Variants in HECTD4 observed in about 807,000 individuals in gnomAD.
HECTD4 encodes the protein probable E3 ubiquitin-protein ligase HECTD4.
HECTD4 carries 114 observed loss-of-function variants against 471.5 expected under a neutral mutation model. The observed-to-expected ratio is 0.24, with a 90% CI of 0.21 to 0.28. HECTD4 has a LOEUF of 0.28. HECTD4 is among the 10% of genes least tolerant of loss of function. The pLI is 1.00. For synonymous variants in HECTD4, 2,012 were observed against 2,256.0 expected, an observed-to-expected ratio of 0.89 and a Z score of 3.07; for missense variants, 3,866 against 5,651.5, an observed-to-expected ratio of 0.68 and a Z score of 10.13.
intron 1 of HECTD4, among the ~76,000 whole-genome samples, chr12:112,324,067 T>C (rs1200135974): frequency 3.5e-5 from 3 of 85,208 alleles, no homozygotes; most frequent in African/African-American, 1.4e-4. Context: ...TCTTTCTTTC[T>C]TTCTTTCTTT....
At position 112,382,412 on chromosome 12, in the gene HECTD4, GC is replaced by G; in HGVS notation, c.-285del. 1 of 292,134 alleles carries G rather than the reference GC, an allele frequency of 3.4e-6. No individual in the cohort carries two copies. Among genetic ancestry groups the G allele is most frequent in the South Asian group, 7.5e-5 (1 of 13,398 alleles). The allele number at this position is 292,134 out of a possible 1,614,324, so 18.1% of individuals were successfully genotyped here. A position where few individuals can be genotyped will look rare whatever the true frequency, so the allele number is the denominator to read the frequency against. On this transcript the variant is annotated 5_prime_UTR_variant, in exon 1 of 76. It removes the in-frame stop codon of an upstream open reading frame in the 5' UTR. Coordinates refer to ENST00000682272, the MANE Select transcript of HECTD4 (RefSeq NM_001388303.1). ...CTCGGCAACCAACTGTCAGTGAGAC[GC>G]CATGTTGGGGGCGGGGCTCCCGGCA...
intron 9 of HECTD4, among the ~76,000 whole-genome samples, chr12:112,276,897 T>A (rs1023480461): frequency 2.6e-5 from 4 of 152,212 alleles, no homozygotes; most frequent in African/African-American, 7.2e-5. Context: ...CAACTTCATA[T>A]CCACAAAGAT....
chr12:112,274,471 C>T (rs2034484406), intron 10 of HECTD4, among the ~76,000 whole-genome samples: 1 of 152,150 alleles, frequency 6.6e-6, no homozygotes, highest in Admixed American at 6.5e-5. Flanking sequence ...TTTGGGAGGC[C>T]AAGGCAGGAA....
intron 23 of HECTD4, 125 bp from the exon 24 acceptor site, chr12:112,251,259 C>T: frequency 1.2e-6 from 1 of 841,288 alleles, no homozygotes; most frequent in Non-Finnish European, 1.8e-6. Flanking sequence ...AGTATCACTG[C>T]TAGGGGACAC....
chr12:112,172,052 C>T (rs144701184), intron 67 of HECTD4, among the ~76,000 whole-genome samples: 2,333 of 152,188 alleles, frequency 0.015, 68 homozygotes, highest in African/African-American at 0.053. Context: ...TACAGGCATG[C>T]GCCACCACGC....
intron 8 of HECTD4, among the ~76,000 whole-genome samples, chr12:112,282,402 A>G (rs919281139): frequency 9.9e-5 from 15 of 152,048 alleles, no homozygotes; most frequent in African/African-American, 3.6e-4. Flanking sequence ...AAACAAAAAC[A>G]AAAAACAACA....
intron 44 of HECTD4, among the ~76,000 whole-genome samples, chr12:112,221,894 A>G (rs2033106777): frequency 1.3e-5 from 2 of 149,724 alleles, no homozygotes; most frequent in South Asian, 4.2e-4. Flanking sequence ...AGCTGGGATT[A>G]CAGGCACTCG....
intron 7 of HECTD4, among the ~76,000 whole-genome samples, chr12:112,297,649 G>A (rs2035070912): frequency 6.6e-6 from 1 of 152,014 alleles, no homozygotes; most frequent in East Asian, 1.9e-4. Context: ...ATTTTGGAAG[G>A]AGCAAATCTG....
In HECTD4 at chr12:112,314,019, A is replaced by G. The variant is rs554920978; in HGVS notation, c.785+438T>C. Among the ~76,000 whole-genome samples, 3 of 152,134 alleles carry G rather than the reference A, an allele frequency of 2.0e-5. No individual in the cohort carries two copies. In the South Asian group the frequency reaches 6.2e-4, roughly 32 times the overall value. ...AATATATTATCATCTCAAAATTTGCATCAGAATTCATTATAAGCTATTGCA... is the reference window on the plus strand; with the variant it reads ...AATATATTATCATCTCAAAATTTGCGTCAGAATTCATTATAAGCTATTGCA... On this transcript the variant is annotated intron_variant, in intron 3 of 75. Transcript: ENST00000682272.
At chr12:112,248,621 C>T in intron 25 of HECTD4, 109 bp from the exon 26 acceptor site, 2 of 708,906 alleles carry the variant, frequency 2.8e-6, no homozygotes, top group Non-Finnish European at 4.4e-6. Context: ...CCCTCTGTCA[C>T]CTAGGCTGCA....
At chr12:112,201,236 C>A in intron 54 of HECTD4, 1 of 347,682 alleles carries the variant, frequency 2.9e-6, no homozygotes, top group Non-Finnish European at 5.6e-6. Flanking sequence ...TGGGACTAGG[C>A]ACCCACCACT....
intron 29 of HECTD4, among the ~76,000 whole-genome samples, chr12:112,246,431 C>T (rs374080166): frequency 8.5e-5 from 13 of 152,142 alleles, no homozygotes; most frequent in African/African-American, 2.2e-4. Flanking sequence ...GTCAGGAGTT[C>T]GAGACCAACC....
intron 43 of HECTD4, among the ~76,000 whole-genome samples, chr12:112,227,049 C>G (rs940328081): frequency 6.6e-6 from 1 of 152,224 alleles, no homozygotes; most frequent in Non-Finnish European, 1.5e-5. Context: ...TCAGCACTGT[C>G]TCTTAAAAGC....
chr12:112,204,769 G>C, intron 52 of HECTD4, 146 bp from the exon 53 acceptor site: 1 of 652,550 alleles, frequency 1.5e-6, no homozygotes, highest in Non-Finnish European at 2.6e-6. Flanking sequence ...AGGAAATTGT[G>C]CAGTATCTAC....
chr12:112,169,716 C>G (rs752689583), intron 69 of HECTD4, 58 bp from the exon 70 acceptor site: 62 of 1,598,112 alleles, frequency 3.9e-5, no homozygotes, highest in Non-Finnish European at 6.8e-6. Flanking sequence ...CTCCCCTCCC[C>G]TTGAGGACAG....
intron 1 of HECTD4, among the ~76,000 whole-genome samples, chr12:112,337,110 T>C (rs780648440): frequency 8.5e-5 from 13 of 152,192 alleles, no homozygotes; most frequent in Non-Finnish European, 1.9e-4. Context: ...GATAGAAACT[T>C]TGAGACTCAA....
At chr12:112,183,505 G>A (rs1489615295) in intron 61 of HECTD4, among the ~76,000 whole-genome samples, 1 of 152,170 alleles carries the variant, frequency 6.6e-6, no homozygotes, top group Non-Finnish European at 1.5e-5. Flanking sequence ...CAGGTCTGTG[G>A]CTTTACTCTG....
rs555882751 is a variant in HECTD4, at chr12:112,349,342, C to G, written c.178-29600G>C. Among the ~76,000 whole-genome samples, 27 of 142,300 alleles carry G rather than the reference C, an allele frequency of 1.9e-4. No homozygotes were observed. The South Asian group carries it at 4.4e-3, about 23-fold the overall frequency. The allele number at this position is 142,300 out of a possible 152,430, so 93.4% of individuals were successfully genotyped here. On this transcript the variant is annotated intron_variant, in intron 1 of 75. Coordinates refer to ENST00000682272, the MANE Select transcript of HECTD4 (RefSeq NM_001388303.1). ...AGGCAGAGGTTGAGTGAGCCGAGAT[C>G]GCACCACTGCACTCCAGCCTGGGCG...
chr12:112,207,276 T>C (rs569666746), intron 52 of HECTD4, among the ~76,000 whole-genome samples: 30 of 152,294 alleles, frequency 2.0e-4, no homozygotes, highest in South Asian at 1.2e-3. Context: ...CCGGAGTAGC[T>C]TGGACTACAG....
Sources: allele counts gnomAD v4.1 joint callset (sites outside exome capture counted in the v4.1 genomes callset), GRCh38; gene constraint gnomAD v4.1.1; transcripts MANE v1.5; gene names NCBI Gene and HGNC (gene_info 2026-07-23, HGNC 2026-07-21).